RASEF: variants seen among roughly 807,000 people sequenced by gnomAD.
RASEF encodes the protein ras and EF-hand domain-containing protein.
A neutral mutation model predicts 90.1 loss-of-function variants in RASEF; 68 were observed. The observed-to-expected ratio is 0.75, with a 90% CI of 0.62 to 0.92. The LOEUF (loss-of-function observed/expected upper bound fraction) is 0.92. RASEF is among the 40% of genes least tolerant of loss of function. The pLI is 0.00. For synonymous variants in RASEF, 331 were observed against 345.2 expected (o/e 0.96, Z 0.46); for missense variants, 949 against 937.2 (o/e 1.01, Z -0.16).
chr9:83,085,583 C>T, the RASEF span, among the ~76,000 whole-genome samples: 1 of 151,784 alleles, frequency 6.6e-6, no homozygotes, highest in Non-Finnish European at 1.5e-5. Flanking sequence ...GCAGTGGGCC[C>T]TGATTATGTG....
At chr9:83,000,142 C>T in intron 12 of RASEF, 27 bp downstream of exon 12, 1 of 1,603,718 alleles carries the variant, frequency 6.2e-7, no homozygotes, top group Non-Finnish European at 8.5e-7. Flanking sequence ...GTCATTTTCC[C>T]ATTATCAACC....
chr9:83,102,443 G>A, the RASEF span, among the ~76,000 whole-genome samples: 1 of 152,200 alleles, frequency 6.6e-6, no homozygotes. Context: ...CTTTGTTGCT[G>A]CCGTACACAT....
intron 1 of RASEF, among the ~76,000 whole-genome samples, chr9:83,039,197 G>GA (rs1327722151): frequency 1.3e-5 from 2 of 152,012 alleles, no homozygotes; most frequent in African/African-American, 4.8e-5. Context: ...AGTCACCTCT[G>GA]AAAGTCGGCC....
chr9:83,069,719 A>G, the RASEF span, among the ~76,000 whole-genome samples: 4 of 152,206 alleles, frequency 2.6e-5, no homozygotes, highest in African/African-American at 9.7e-5. Context: ...GTAGGTATAT[A>G]TTTAGCTTTA....
At chr9:82,991,406 C>G (rs967732359) in intron 15 of RASEF, among the ~76,000 whole-genome samples, 1 of 152,144 alleles carries the variant, frequency 6.6e-6, no homozygotes, top group African/African-American at 2.4e-5. Context: ...TATAATTGCT[C>G]AAGTTATTTT....
chr9:83,171,448 A>C, the RASEF span, among the ~76,000 whole-genome samples: 3 of 151,884 alleles, frequency 2.0e-5, no homozygotes, highest in African/African-American at 7.2e-5. Context: ...TCACCTCACA[A>C]AAATGAGTTT....
the RASEF span, among the ~76,000 whole-genome samples, chr9:83,180,953 G>A: frequency 2.6e-5 from 4 of 151,668 alleles, no homozygotes; most frequent in African/African-American, 9.7e-5. Flanking sequence ...GTCAGAATTT[G>A]TCTGCCTCAT....
chr9:83,206,917 T>G, the RASEF span, among the ~76,000 whole-genome samples: 1 of 152,254 alleles, frequency 6.6e-6, no homozygotes, highest in Non-Finnish European at 1.5e-5. Context: ...GCCTTACTCC[T>G]GCTCCCATCT....
At chr9:83,086,772 G>A in the RASEF span, among the ~76,000 whole-genome samples, 1 of 152,148 alleles carries the variant, frequency 6.6e-6, no homozygotes. Flanking sequence ...TGAGAAGACT[G>A]CTGGCTTCTC....
the RASEF span, among the ~76,000 whole-genome samples, chr9:83,165,428 A>G: frequency 6.6e-6 from 1 of 152,170 alleles, no homozygotes; most frequent in Admixed American, 6.6e-5. Flanking sequence ...AGAAATCTCA[A>G]GAGATGCTCT....
At chr9:82,992,428 T>C (rs1053113077) in intron 15 of RASEF, among the ~76,000 whole-genome samples, 7 of 152,238 alleles carry the variant, frequency 4.6e-5, no homozygotes, top group Non-Finnish European at 7.3e-5. Flanking sequence ...AATGATTTTT[T>C]ATATCAACTA....
the RASEF span, among the ~76,000 whole-genome samples, chr9:83,180,736 G>C: frequency 6.6e-6 from 1 of 151,912 alleles, no homozygotes; most frequent in Non-Finnish European, 1.5e-5. Flanking sequence ...GCCACACCTG[G>C]GTCATGTATC....
At chr9:83,126,399 C>A in the RASEF span, among the ~76,000 whole-genome samples, 1 of 152,086 alleles carries the variant, frequency 6.6e-6, no homozygotes, top group Non-Finnish European at 1.5e-5. Context: ...TTGGACTTCC[C>A]AGCCTCCAGA....
chr9:83,138,949 C>T, the RASEF span, among the ~76,000 whole-genome samples: 1 of 152,094 alleles, frequency 6.6e-6, no homozygotes, highest in Non-Finnish European at 1.5e-5. Context: ...AAATGACACA[C>T]AATTATTGAC....
At chr9:83,188,351 A>G in the RASEF span, among the ~76,000 whole-genome samples, 1 of 152,204 alleles carries the variant, frequency 6.6e-6, no homozygotes, top group Non-Finnish European at 1.5e-5. Flanking sequence ...ACAATATATG[A>G]ACATATTCCC....
At chr9:83,126,547 T>C in the RASEF span, among the ~76,000 whole-genome samples, 1 of 152,224 alleles carries the variant, frequency 6.6e-6, no homozygotes, top group Non-Finnish European at 1.5e-5. Flanking sequence ...ATTGTGAGTA[T>C]AGCTTCCCAT....
At chr9:83,060,744 C>G (rs982193286) in intron 1 of RASEF, among the ~76,000 whole-genome samples, 3 of 152,196 alleles carry the variant, frequency 2.0e-5, no homozygotes, top group Non-Finnish European at 4.4e-5. Context: ...CAGTTTAGAT[C>G]TCTTCCACTT....
At chr9:83,029,083 C>G (rs192718975) in intron 1 of RASEF, among the ~76,000 whole-genome samples, 54 of 152,288 alleles carry the variant, frequency 3.5e-4, no homozygotes, top group Admixed American at 3.5e-3. Context: ...GTTTGTGATG[C>G]TTGTTACCAC....
the RASEF span, among the ~76,000 whole-genome samples, chr9:83,214,796 C>A: frequency 6.6e-6 from 1 of 151,952 alleles, no homozygotes; most frequent in African/African-American, 2.4e-5. Flanking sequence ...GAGGCCTCCC[C>A]AGCCATGTAG....
Sources: allele counts gnomAD v4.1 joint callset (sites outside exome capture counted in the v4.1 genomes callset), GRCh38; gene constraint gnomAD v4.1.1; transcripts MANE v1.5; gene names NCBI Gene and HGNC (gene_info 2026-07-23, HGNC 2026-07-21).